PSG11: variants seen among roughly 807,000 people sequenced by gnomAD.
The protein encoded by PSG11 is pregnancy specific beta-1-glycoprotein 11.
PSG11 carries 42 observed loss-of-function variants against 36.0 expected under a neutral mutation model. The ratio of observed to expected loss-of-function variants is 1.17; its 90% CI spans 0.91 to 1.51. The LOEUF is 1.51. Ranked by LOEUF, PSG11 falls within the 40% of genes most tolerant of loss-of-function variation. The pLI is 0.00. For synonymous variants in PSG11, 206 were observed against 153.5 expected (o/e 1.34, Z -2.53); for missense variants, 558 against 403.5 (o/e 1.38, Z -3.28).
chr19:43,024,233 G>A (rs1967177986), intron 2 of PSG11, among the ~76,000 whole-genome samples: 1 of 151,510 alleles, frequency 6.6e-6, no homozygotes, highest in Non-Finnish European at 1.5e-5. Context: ...TGCCCAAGAA[G>A]CCACAACCCA....
At chr19:43,009,268 C>A (rs1294543058) in intron 5 of PSG11, among the ~76,000 whole-genome samples, 2 of 151,166 alleles carry the variant, frequency 1.3e-5, no homozygotes, top group African/African-American at 4.9e-5. Flanking sequence ...TCCACGAGGT[C>A]AGATGTTGCT....
chr19:43,026,373 G>A lies in PSG11; in HGVS notation c.-1C>T. 1.9e-6 allele frequency: 3 copies of A among 1,609,366 alleles called. 1 individual carries two copies. Among genetic ancestry groups the A allele is most frequent in the Non-Finnish European group, 2.5e-6 (3 of 1,177,472 alleles). On this transcript the variant is annotated 5_prime_UTR_variant, in exon 1 of 6. Coordinates refer to ENST00000320078, the MANE Select transcript of PSG11 (RefSeq NM_002785.3). ...AGGGAGGGGCTGAGAGGGGCCCCAT[G>A]ATCTCTGCTGCGTGCATGTTCTCCT...
chr19:43,026,186 C>T lies in PSG11; in HGVS notation c.64+123G>A, dbSNP rs185892052. On this transcript the variant is annotated intron_variant, in intron 1 of 5. Coordinates refer to ENST00000320078, the MANE Select transcript of PSG11 (RefSeq NM_002785.3). ...TTGAACTCCTGATCTCGTGATCCAC[C>T]CACCTCAGCCTCCCTAAATGCTGGC... 9.2e-4 allele frequency: 1,321 copies of T among 1,439,090 alleles called. 48 individuals are homozygous for T. The African/African-American group carries it at 0.017, about 19-fold the overall frequency. 89.1% of individuals were successfully genotyped at this position (1,439,090 alleles called of 1,614,324 possible).
rs750565450 is a variant in PSG11, at chr19:43,015,142, G to C, written c.938C>G (p.Ser313Cys). The C allele has an allele frequency of 4.3e-6, 7 of 1,612,016 alleles. No homozygotes were observed. The South Asian group carries it at 7.7e-5, about 18-fold the overall frequency. The change falls in exon 4 of 6, where the codon TCC becomes TGC. Residue 313 changes from serine to cysteine, a missense_variant. By Grantham distance (112) the Ser-to-Cys change is moderately radical. Transcript: ENST00000320078. The stretch of plus-strand genomic sequence containing the variant: ...AATGACTCTGATTGTCAAGGATGTG[G>C]AGCTTTCCTCGCCAGTGGCTGAGTT... ...ARNSATGEES[S>C]TSLTIRVIAP... is the part of the protein sequence containing the mutation.
At chr19:43,008,872 A>G (rs1368513885) in intron 5 of PSG11, among the ~76,000 whole-genome samples, 1 of 151,198 alleles carries the variant, frequency 6.6e-6, no homozygotes, top group Non-Finnish European at 1.5e-5. Flanking sequence ...AGAGTTCTCC[A>G]TCCTTGTTAC....
intron 1 of PSG11, among the ~76,000 whole-genome samples, chr19:43,025,916 C>CTTTTTTTTTTTTTTTTTCT (rs1967238605): frequency 1.6e-5 from 1 of 61,868 alleles, no homozygotes; most frequent in African/African-American, 6.3e-5. Context: ...GCCTTCTTTC[C>CTTTTTTTTTTTTTTTTTCT]TTTTTTTTTT....
At chr19:43,023,640 G>C (rs1034900263) in intron 2 of PSG11, among the ~76,000 whole-genome samples, 13 of 151,180 alleles carry the variant, frequency 8.6e-5, no homozygotes, top group Admixed American at 2.6e-4. Context: ...ACTATGGGGT[G>C]CTTGGAACCC....
rs749471553 is a variant in PSG11 at position 43,010,054 on chromosome 19, G to C, written c.965-13C>G. On this transcript the variant is annotated splice_polypyrimidine_tract_variant and intron_variant, in intron 4 of 5. Coordinates refer to ENST00000320078, the MANE Select transcript of PSG11 (RefSeq NM_002785.3). ...AATCCTGGAGGAGCTGTCATGGAAAGAAAAGAAAAGAAGGAATGAAGGTGA... is the reference window on the plus strand; with the variant it reads ...AATCCTGGAGGAGCTGTCATGGAAACAAAAGAAAAGAAGGAATGAAGGTGA... 6.2e-7 allele frequency: 1 copy of C among 1,605,816 alleles called. No individual in the cohort carries two copies.
Position 43,019,169 on chromosome 19 carries a change from G to A in PSG11, c.431-121C>T, listed in dbSNP as rs963969798. 7.2e-6 allele frequency: 11 copies of A among 1,518,674 alleles called. 1 individual carries two copies. The highest frequency in any genetic ancestry group is 4.2e-5 in the African/African-American group (3 of 71,318). 94.1% of individuals were successfully genotyped at this position (1,518,674 alleles called of 1,614,324 possible). A position where few individuals can be genotyped will look rare whatever the true frequency, so the allele number is the denominator to read the frequency against. On this transcript the variant is annotated intron_variant, in intron 2 of 5. Coordinates refer to ENST00000320078, the MANE Select transcript of PSG11 (RefSeq NM_002785.3). Reference sequence around the variant, plus strand: ...CCACCCGAGTCCCTAAAAGCCCATGGCAGGTGTGTGTGTTACAACACAGAT... The same window carrying A: ...CCACCCGAGTCCCTAAAAGCCCATGACAGGTGTGTGTGTTACAACACAGAT...
In PSG11 at chr19:43,021,969, C is replaced by T. The variant is rs189567245; in HGVS notation, c.430+2722G>A. On this transcript the variant is annotated intron_variant, in intron 2 of 5. Transcript: ENST00000320078. ...CATCTAGTCTCAGGCTGGCTGTCCT[C>T]ACTCATTCCTGCACATAGACAAGGC... Among the ~76,000 whole-genome samples, 192 of 151,532 alleles carry T rather than the reference C, an allele frequency of 1.3e-3. 5 individuals carry two copies. The highest frequency in any genetic ancestry group is 4.5e-3 in the African/African-American group (184 of 41,148).
In PSG11 at chr19:43,024,734, A is replaced by G. The variant is rs1475724189; in HGVS notation, c.387T>C (p.Asp129=). ...SYTLHIIKRG[D]GTRGVTGYFT... The stretch of plus-strand genomic sequence containing the variant: ...AATATCCAGTTACTCCTCTAGTCCC[A>G]TCACCTCGCTTTATGATGTGTAAGG... Residue 129 remains aspartate, a synonymous_variant, in exon 2 of 6, where the codon GAT becomes GAC. Transcript: ENST00000320078. 6.2e-6 allele frequency: 10 copies of G among 1,611,502 alleles called. No homozygotes were observed. The highest frequency in any genetic ancestry group is 1.7e-5 in the Admixed American group (1 of 59,810).
chr19:43,015,770 G>A, intron 3 of PSG11: 1 of 1,609,892 alleles, frequency 6.2e-7, no homozygotes, highest in Non-Finnish European at 8.5e-7. Flanking sequence ...AAGATACAGA[G>A]GACATTCAGG....
At position 43,012,799 on chromosome 19, in the gene PSG11, T is replaced by G. The variant is rs183651224; in HGVS notation, c.964+2317A>C. ...AGAAAAATCTGTCCTAAAATTTATATTGAATCTCATGACTCTAAATAGACA... is the reference window on the plus strand; with the variant it reads ...AGAAAAATCTGTCCTAAAATTTATAGTGAATCTCATGACTCTAAATAGACA... On this transcript the variant is annotated intron_variant, in intron 4 of 5. Transcript: ENST00000320078. Among the ~76,000 whole-genome samples, 75 of 151,472 alleles carry G rather than the reference T, an allele frequency of 5.0e-4. 4 individuals are homozygous for G. In the East Asian group the frequency reaches 9.1e-3, roughly 18 times the overall value.
intron 3 of PSG11, chr19:43,018,555 C>A (rs1030967215): frequency 8.7e-7 from 1 of 1,145,016 alleles, no homozygotes; most frequent in Non-Finnish European, 1.2e-6. Flanking sequence ...ATCTGTGGAC[C>A]CTGAGCCTCC....
intron 2 of PSG11, among the ~76,000 whole-genome samples, chr19:43,021,030 T>C (rs547747668): frequency 4.4e-4 from 67 of 151,256 alleles, no homozygotes; most frequent in African/African-American, 1.5e-3. Context: ...GAGGAAACAG[T>C]TGTATGTGGC....
rs1222377816 is a variant in PSG11 at position 43,010,054 on chromosome 19, GAA to G, written c.965-15_965-14del. On this transcript the variant is annotated splice_polypyrimidine_tract_variant and intron_variant, in intron 4 of 5. Transcript: ENST00000320078. ...AATCCTGGAGGAGCTGTCATGGAAAGAAAAGAAAAGAAGGAATGAAGGTGATG... is the reference window on the plus strand; with the variant it reads ...AATCCTGGAGGAGCTGTCATGGAAAGAAGAAAAGAAGGAATGAAGGTGATG... 1.9e-6 allele frequency: 3 copies of G among 1,605,816 alleles called. No homozygotes were observed. The highest frequency in any genetic ancestry group is 4.5e-5 in the East Asian group (2 of 44,682).
chr19:43,008,001 T>G lies in PSG11; in HGVS notation c.*82A>C. The G allele has an allele frequency of 2.5e-6, 1 of 403,126 alleles. No individual in the cohort carries two copies. Among genetic ancestry groups the G allele is most frequent in the Non-Finnish European group, 4.6e-6 (1 of 218,334 alleles). 25.0% of individuals were successfully genotyped at this position (403,126 alleles called of 1,614,324 possible). ...GTATGATCTTGAAGTTATCAGGAAC[T>G]TGTATTCAAGAGTCCTTTTCATAGT... On this transcript the variant is annotated 3_prime_UTR_variant, in exon 6 of 6. Coordinates refer to ENST00000320078, the MANE Select transcript of PSG11 (RefSeq NM_002785.3).
intron 2 of PSG11, 126 bp from the exon 3 acceptor site, chr19:43,019,174 T>C: frequency 6.6e-7 from 1 of 1,512,404 alleles, no homozygotes; most frequent in Non-Finnish European, 8.9e-7. Flanking sequence ...CCATGGCAGG[T>C]GTGTGTGTTA....
chr19:43,018,533 T>A, intron 3 of PSG11: 1 of 955,514 alleles, frequency 1.0e-6, no homozygotes, highest in Non-Finnish European at 1.5e-6. Context: ...TTCACCTGTT[T>A]CTCCCATCAC....
Sources: allele counts gnomAD v4.1 joint callset (sites outside exome capture counted in the v4.1 genomes callset), GRCh38; gene constraint gnomAD v4.1.1; transcripts MANE v1.5; gene names NCBI Gene and HGNC (gene_info 2026-07-23, HGNC 2026-07-21).